The following MAML3 variants were observed in gnomAD, a reference collection of about 807,000 sequenced individuals.
MAML3 encodes mastermind like transcriptional coactivator 3.
Under a neutral mutation model 101.9 loss-of-function variants are expected in MAML3, and 27 were observed. The observed-to-expected ratio is 0.27, with a 90% CI of 0.20 to 0.37. MAML3 has a LOEUF of 0.37. Ranked by LOEUF, MAML3 falls within the 10% of genes least tolerant of loss-of-function variation. The pLI is 1.00. For synonymous variants in MAML3, 501 were observed against 555.9 expected (o/e 0.90, Z 1.39); for missense variants, 1,316 against 1,444.9 (o/e 0.91, Z 1.45).
At chr4:140,033,772 G>A (rs916692120) in intron 1 of MAML3, among the ~76,000 whole-genome samples, 3 of 152,228 alleles carry the variant, frequency 2.0e-5, no homozygotes, top group Non-Finnish European at 4.4e-5. Flanking sequence ...AAGTATGCAT[G>A]TGTAAGGACT....
At chr4:140,076,383 A>C (rs1727766240) in intron 1 of MAML3, among the ~76,000 whole-genome samples, 4 of 152,166 alleles carry the variant, frequency 2.6e-5, no homozygotes. Flanking sequence ...AAGAGCAATA[A>C]AGCTCAGGCA....
intron 2 of MAML3, among the ~76,000 whole-genome samples, chr4:139,843,197 T>C (rs938229532): frequency 3.3e-5 from 5 of 152,164 alleles, no homozygotes; most frequent in Non-Finnish European, 5.9e-5. Context: ...GCTCTACGTG[T>C]ACCCACCTGA....
chr4:140,013,482 T>C (rs1726597915), intron 1 of MAML3, among the ~76,000 whole-genome samples: 1 of 152,224 alleles, frequency 6.6e-6, no homozygotes, highest in African/African-American at 2.4e-5. Context: ...ATCTCTGACA[T>C]GATACCACAC....
At chr4:139,798,656 T>C (rs1730557195) in intron 2 of MAML3, among the ~76,000 whole-genome samples, 1 of 152,210 alleles carries the variant, frequency 6.6e-6, no homozygotes, top group Admixed American at 6.5e-5. Context: ...ACATCATTCA[T>C]AGTCTATGAG....
At chr4:139,858,770 T>C (rs1337579888) in intron 2 of MAML3, among the ~76,000 whole-genome samples, 1 of 152,196 alleles carries the variant, frequency 6.6e-6, no homozygotes, top group African/African-American at 2.4e-5. Context: ...TGCCAGTCTA[T>C]GGTTTCCGCA....
At chr4:140,083,949 CACACACACACACACACACAGAGAGAG>C (rs1421173009) in intron 1 of MAML3, among the ~76,000 whole-genome samples, 12 of 25,148 alleles carry the variant, frequency 4.8e-4, no homozygotes, top group East Asian at 1.5e-3. Context: ...CACACACACA[CACACACACACACACACACAGAGAGAG>C]AGAGAGAGAG....
At chr4:140,011,932 C>A (rs911589169) in intron 1 of MAML3, among the ~76,000 whole-genome samples, 4 of 152,020 alleles carry the variant, frequency 2.6e-5, no homozygotes, top group Non-Finnish European at 5.9e-5. Context: ...GAAATTTCTT[C>A]CTGCCTAAAT....
At chr4:140,112,504 C>T (rs1311149542) in intron 1 of MAML3, among the ~76,000 whole-genome samples, 5 of 152,246 alleles carry the variant, frequency 3.3e-5, no homozygotes, top group Non-Finnish European at 7.3e-5. Flanking sequence ...TTTCCATGTG[C>T]TCACTTGCAG....
intron 1 of MAML3, 42 bp downstream of exon 1, chr4:140,152,817 AC>A: frequency 6.6e-7 from 1 of 1,511,732 alleles, no homozygotes; most frequent in Non-Finnish European, 8.9e-7. Context: ...CACCACCACC[AC>A]CCCCAACGCG....
chr4:139,819,898 A>G (rs1040040994), intron 2 of MAML3, among the ~76,000 whole-genome samples: 5 of 152,138 alleles, frequency 3.3e-5, no homozygotes, highest in African/African-American at 1.2e-4. Context: ...AGAACACACT[A>G]ATTTTCTTCC....
At chr4:140,071,755 T>C (rs1037843886) in intron 1 of MAML3, among the ~76,000 whole-genome samples, 6 of 137,270 alleles carry the variant, frequency 4.4e-5, no homozygotes, top group Non-Finnish European at 9.4e-5. Context: ...GGACCAGGAT[T>C]AGAGAGAGAG....
intron 2 of MAML3, among the ~76,000 whole-genome samples, chr4:139,763,248 C>T (rs1560786782): frequency 4.6e-5 from 7 of 152,194 alleles, no homozygotes. Context: ...ACATTCTTTT[C>T]CTTTGTCAAG....
intron 1 of MAML3, among the ~76,000 whole-genome samples, chr4:139,963,270 A>C (rs777517181): frequency 6.6e-5 from 10 of 152,344 alleles, no homozygotes; most frequent in Non-Finnish European, 5.9e-5. Flanking sequence ...AACTAACTAA[A>C]TAAATAAACA....
chr4:140,144,207 T>C (rs138103991), intron 1 of MAML3, among the ~76,000 whole-genome samples: 1 of 152,240 alleles, frequency 6.6e-6, no homozygotes, highest in African/African-American at 2.4e-5. Context: ...TCTCCCTACA[T>C]TGCCAAATGT....
chr4:139,833,211 G>A (rs748690067), intron 2 of MAML3, among the ~76,000 whole-genome samples: 1 of 152,172 alleles, frequency 6.6e-6, no homozygotes, highest in Non-Finnish European at 1.5e-5. Context: ...AGTTAGCCCA[G>A]CCTCTGGCCC....
Position 139,854,191 on chromosome 4 carries a change from G to A in MAML3, c.2079+35166C>T, listed in dbSNP as rs192332322. Among the ~76,000 whole-genome samples the A allele has an allele frequency of 3.6e-3, 541 of 151,944 alleles. 2 individuals carry two copies. The highest frequency in any genetic ancestry group is 0.012 in the African/African-American group (509 of 41,416). On this transcript the variant is annotated intron_variant, in intron 2 of 4. Coordinates refer to ENST00000509479, the MANE Select transcript of MAML3 (RefSeq NM_018717.5). ...AAAACTGAGGAATATAGCCTCACAGGTCATTTGAGAATTAAGTCTGATGTC... is the reference window on the plus strand; with the variant it reads ...AAAACTGAGGAATATAGCCTCACAGATCATTTGAGAATTAAGTCTGATGTC...
intron 1 of MAML3, among the ~76,000 whole-genome samples, chr4:140,082,317 T>A (rs1727871407): frequency 6.6e-6 from 1 of 152,114 alleles, no homozygotes; most frequent in Admixed American, 6.6e-5. Context: ...ATAGTGAAAT[T>A]CTTCTCGTTT....
intron 2 of MAML3, among the ~76,000 whole-genome samples, chr4:139,772,220 ACAGAGCG>A (rs1196655836): frequency 4.9e-5 from 5 of 102,998 alleles, no homozygotes; most frequent in African/African-American, 1.8e-4. Context: ...AGCCTGGGTG[ACAGAGCG>A]AGACTCCGTT....
chr4:139,880,998 G>A (rs1228033735), intron 2 of MAML3, among the ~76,000 whole-genome samples: 3 of 152,150 alleles, frequency 2.0e-5, no homozygotes, highest in Non-Finnish European at 4.4e-5. Flanking sequence ...AGTGGTAAAC[G>A]ACTTAGCAGC....
Sources: gnomAD v4.1 joint callset for allele counts (sites outside exome capture counted in the v4.1 genomes callset) on GRCh38, gnomAD v4.1.1 for gene constraint, MANE v1.5 for transcripts, NCBI Gene and HGNC (gene_info 2026-07-23, HGNC 2026-07-21) for gene names.